The following SUMF1 variants were observed in gnomAD, a reference collection of about 807,000 sequenced individuals.
The protein encoded by SUMF1 is formylglycine-generating enzyme.
In SUMF1, 48 loss-of-function variants were observed where a neutral mutation model predicts 47.6. That is an observed-to-expected ratio of 1.01 (90% confidence interval 0.80 to 1.28). SUMF1 has a LOEUF of 1.28. Among genes scored for constraint, SUMF1 ranks in the 50% most tolerant of loss-of-function variants. SUMF1 has a pLI of 0.00. For synonymous variants in SUMF1, 230 were observed against 192.1 expected (o/e 1.20, Z -1.63); for missense variants, 571 against 485.4 (o/e 1.18, Z -1.66).
intron 8 of SUMF1, among the ~76,000 whole-genome samples, chr3:4,216,654 C>T (rs548599686): frequency 2.0e-5 from 3 of 152,216 alleles, no homozygotes; most frequent in African/African-American, 7.2e-5. Context: ...CTACAAAGAA[C>T]TCAAACAAAT....
At chr3:4,391,429 T>C (rs970410071) in intron 7 of SUMF1, among the ~76,000 whole-genome samples, 2 of 152,178 alleles carry the variant, frequency 1.3e-5, no homozygotes, top group Admixed American at 1.3e-4. Context: ...GAACACATGA[T>C]GTTGTTGCAC....
intron 9 of SUMF1, among the ~76,000 whole-genome samples, chr3:4,046,593 C>A (rs1574843462): frequency 6.6e-6 from 1 of 152,290 alleles, no homozygotes; most frequent in East Asian, 1.9e-4. Flanking sequence ...AAACCATCCT[C>A]AACTACCCAT....
chr3:4,383,402 T>C (rs1302418588), intron 7 of SUMF1, among the ~76,000 whole-genome samples: 1 of 151,800 alleles, frequency 6.6e-6, no homozygotes, highest in African/African-American at 2.4e-5. Context: ...TAAATAAAAA[T>C]AAAAAGAGAT....
intron 2 of SUMF1, among the ~76,000 whole-genome samples, chr3:4,450,047 C>G (rs144782949): frequency 5.6e-4 from 85 of 152,242 alleles, no homozygotes; most frequent in African/African-American, 1.8e-3. Context: ...GCCCTTGGCT[C>G]TCTGCAATTC....
chr3:4,210,494 C>A (rs145798986), intron 8 of SUMF1, among the ~76,000 whole-genome samples: 3 of 152,252 alleles, frequency 2.0e-5, no homozygotes, highest in Admixed American at 6.5e-5. Flanking sequence ...AATTTACATA[C>A]CACTGAAGTT....
chr3:4,215,289 C>G (rs1440400376), intron 8 of SUMF1, among the ~76,000 whole-genome samples: 3 of 152,104 alleles, frequency 2.0e-5, no homozygotes, highest in Admixed American at 6.6e-5. Context: ...GAACCAATGC[C>G]AAAAACAACA....
chr3:4,070,961 G>T (rs1385497305), intron 8 of SUMF1, among the ~76,000 whole-genome samples: 1 of 152,078 alleles, frequency 6.6e-6, no homozygotes, highest in African/African-American at 2.4e-5. Flanking sequence ...TCAACAGTAA[G>T]CTTAAGGCAG....
intron 7 of SUMF1, among the ~76,000 whole-genome samples, chr3:4,406,592 G>A (rs1477058625): frequency 3.3e-5 from 5 of 152,144 alleles, no homozygotes; most frequent in South Asian, 2.1e-4. Flanking sequence ...CCTGGGAGGC[G>A]GAGGTTGCAG....
At chr3:4,172,121 G>A (rs966424129) in intron 8 of SUMF1, among the ~76,000 whole-genome samples, 1 of 152,224 alleles carries the variant, frequency 6.6e-6, no homozygotes, top group South Asian at 2.1e-4. Flanking sequence ...TAGGGGGATG[G>A]AACGAAAAAT....
At chr3:4,050,636 A>C (rs1002505413) in intron 9 of SUMF1, among the ~76,000 whole-genome samples, 1 of 150,888 alleles carries the variant, frequency 6.6e-6, no homozygotes, top group Non-Finnish European at 1.5e-5. Flanking sequence ...CCAGCTACTC[A>C]GGAGGCTGAG....
At position 4,430,642 on chromosome 3, in the gene SUMF1, G is replaced by C. The variant is rs76809247; in HGVS notation, c.520-10496C>G. ...TGAGCATCTTCTCTATGCCACTCCTGTGCTAGCCCCCGGGGATACAGAACC... is the reference window on the plus strand; with the variant it reads ...TGAGCATCTTCTCTATGCCACTCCTCTGCTAGCCCCCGGGGATACAGAACC... On this transcript the variant is annotated intron_variant, in intron 3 of 8. Transcript: ENST00000272902. Among the ~76,000 whole-genome samples, 1,397 of 152,154 alleles carry C rather than the reference G, an allele frequency of 9.2e-3. 19 individuals are homozygous for C. Among genetic ancestry groups the C allele is most frequent in the African/African-American group, 0.032 (1,320 of 41,514 alleles).
chr3:4,165,770 A>G (rs1407510231), intron 8 of SUMF1, among the ~76,000 whole-genome samples: 8 of 151,770 alleles, frequency 5.3e-5, no homozygotes, highest in African/African-American at 1.5e-4. Context: ...ATTGGCCCCA[A>G]TGGCTTAGGA....
At chr3:4,466,316 T>C (rs1452510187) in intron 1 of SUMF1, among the ~76,000 whole-genome samples, 1 of 152,046 alleles carries the variant, frequency 6.6e-6, no homozygotes, top group Non-Finnish European at 1.5e-5. Context: ...TTCGCCATGT[T>C]GGCCAGGCTG....
chr3:4,335,430 C>T (rs1389470038), intron 8 of SUMF1, among the ~76,000 whole-genome samples: 1 of 152,216 alleles, frequency 6.6e-6, no homozygotes, highest in African/African-American at 2.4e-5. Context: ...ATCCCCAAAT[C>T]AGCCTCTTAC....
intron 8 of SUMF1, among the ~76,000 whole-genome samples, chr3:4,166,818 C>T (rs1464307681): frequency 6.6e-6 from 1 of 152,028 alleles, no homozygotes; most frequent in Non-Finnish European, 1.5e-5. Context: ...CAGCTCAGTC[C>T]AGAAGTATAG....
chr3:4,452,095 A>G (rs539084300), intron 2 of SUMF1, among the ~76,000 whole-genome samples: 27 of 152,282 alleles, frequency 1.8e-4, no homozygotes, highest in African/African-American at 6.5e-4. Flanking sequence ...CAAATTATTC[A>G]TTTAATAATA....
intron 8 of SUMF1, chr3:4,316,739 A>C (rs935193064): frequency 6.4e-7 from 1 of 1,550,834 alleles, no homozygotes; most frequent in Non-Finnish European, 8.7e-7. Flanking sequence ...ATCAAGAAGA[A>C]GCTCCAAAGC....
chr3:4,178,488 C>A (rs987306122), intron 8 of SUMF1, among the ~76,000 whole-genome samples: 1 of 152,142 alleles, frequency 6.6e-6, no homozygotes, highest in Non-Finnish European at 1.5e-5. Context: ...CAAAATTCAA[C>A]AGCCCTTCAT....
intron 8 of SUMF1, among the ~76,000 whole-genome samples, chr3:4,328,217 CAAAAT>C (rs1353865971): frequency 1.3e-5 from 2 of 151,292 alleles, no homozygotes; most frequent in African/African-American, 4.9e-5. Flanking sequence ...GACCCTGTCT[CAAAAT>C]AAATAAATAT....
Sources: allele counts gnomAD v4.1 joint callset (sites outside exome capture counted in the v4.1 genomes callset), GRCh38; gene constraint gnomAD v4.1.1; transcripts MANE v1.5; gene names NCBI Gene and HGNC (gene_info 2026-07-23, HGNC 2026-07-21).